SLC7A8: variants seen among roughly 807,000 people sequenced by gnomAD.
The protein encoded by SLC7A8 is large neutral amino acids transporter small subunit 2.
SLC7A8 carries 30 observed loss-of-function variants against 51.2 expected under a neutral mutation model. That is an observed-to-expected ratio of 0.59 (90% CI 0.44 to 0.80). The LOEUF is 0.80. Ranked by LOEUF, SLC7A8 falls within the 30% of genes least tolerant of loss-of-function variation. The probability of loss-of-function intolerance (pLI) is 0.00; values close to 1 mark genes in which losing one functional copy is unlikely to be tolerated. For synonymous variants in SLC7A8, 257 were observed against 275.8 expected (o/e 0.93, Z 0.67); for missense variants, 612 against 674.4 (o/e 0.91, Z 1.03).
chr14:23,165,479 C>T lies in SLC7A8; in HGVS notation c.357-43G>A, dbSNP rs201533058. On this transcript the variant is annotated intron_variant, in intron 2 of 10. Transcript: ENST00000316902. This position sits in a 1 kb window ranked among gnomAD's most constrained non-coding sequence, Gnocchi z 4.2. ...CATCCGCCGAAAGGCATGGCAGGGA[C>T]GCAGAGCCATCAGGGGAGAGCCCGG... is the stretch of plus-strand genomic sequence containing the variant. 1.7e-4 allele frequency: 258 copies of T among 1,554,512 alleles called. 1 individual carries two copies. The African/African-American group carries it at 2.3e-3, about 14-fold the overall frequency.
intron 1 of SLC7A8, 150 bp from the exon 2 acceptor site, chr14:23,166,690 A>C: frequency 1.3e-6 from 1 of 783,324 alleles, no homozygotes; most frequent in South Asian, 1.7e-5. Flanking sequence ...CCTAGCAATA[A>C]TTCTCCCTGA....
chr14:23,139,461 G>T lies in SLC7A8; in HGVS notation c.875C>A (p.Ser292Tyr). ...FANVAYVTAMSPQELLASNAV... is the reference protein window; with the variant it reads ...FANVAYVTAMYPQELLASNAV... ...GTTGGATGCCAGCAGCTCCTGGGGG[G>T]ACATTGCAGTGACATAAGCGACATT... Residue 292 changes from serine to tyrosine, a missense_variant, in exon 6 of 11, where the codon TCC (serine) becomes TAC (tyrosine). Ser to Tyr is a moderately radical substitution (Grantham distance 144). Coordinates refer to ENST00000316902, the MANE Select transcript of SLC7A8 (RefSeq NM_012244.4). 4.3e-6 allele frequency: 7 copies of T among 1,614,148 alleles called. No homozygotes were observed. The highest frequency in any genetic ancestry group is 1.3e-5 in the African/African-American group (1 of 75,038).
intron 4 of SLC7A8, among the ~76,000 whole-genome samples, chr14:23,142,471 A>T (rs1394287771): frequency 6.6e-6 from 1 of 152,176 alleles, no homozygotes; most frequent in African/African-American, 2.4e-5. Context: ...GGGCAAAAAG[A>T]CAATAGGAAT....
intron 6 of SLC7A8, among the ~76,000 whole-genome samples, chr14:23,139,068 T>G (rs2048717371): frequency 6.6e-6 from 1 of 152,248 alleles, no homozygotes; most frequent in Admixed American, 6.5e-5. Flanking sequence ...AGGAGGGGCC[T>G]GTCTGCTTCA....
intron 6 of SLC7A8, 180 bp from the exon 7 acceptor site, chr14:23,138,204 T>C (rs2048709439): frequency 3.1e-6 from 2 of 640,664 alleles, no homozygotes; most frequent in Admixed American, 3.0e-5. Flanking sequence ...GGTTAATGCA[T>C]GTTTTAGGCT....
At chr14:23,130,485 T>C (rs1035179723) in intron 8 of SLC7A8, among the ~76,000 whole-genome samples, 1 of 152,342 alleles carries the variant, frequency 6.6e-6, no homozygotes, top group South Asian at 2.1e-4. Context: ...GGTTCTGTTC[T>C]CTTGTGAGAT....
At chr14:23,127,909 GAGA>G (rs2048592999) in intron 10 of SLC7A8, 107 bp downstream of exon 10, 4 of 922,746 alleles carry the variant, frequency 4.3e-6, no homozygotes, top group Admixed American at 5.0e-5. Flanking sequence ...GTGGACTGAG[GAGA>G]AGGTGAGCCT....
At chr14:23,162,040 C>CA (rs148599755) in intron 3 of SLC7A8, among the ~76,000 whole-genome samples, 75 of 123,702 alleles carry the variant, frequency 6.1e-4, no homozygotes, top group African/African-American at 1.1e-3. Context: ...CCATAAAATT[C>CA]AAAAAAAGAA....
intron 9 of SLC7A8, 135 bp downstream of exon 9, chr14:23,129,515 G>A (rs1199785906): frequency 9.7e-7 from 1 of 1,027,058 alleles, no homozygotes; most frequent in Non-Finnish European, 1.4e-6. Context: ...AATGGCCCTT[G>A]CTTTCCAAAG....
intron 6 of SLC7A8, 89 bp from the exon 7 acceptor site, chr14:23,138,113 C>T (rs1323656962): frequency 3.4e-6 from 5 of 1,471,774 alleles, no homozygotes; most frequent in African/African-American, 1.4e-5. Context: ...ACCGTTTCTC[C>T]TATCTCCACC....
chr14:23,131,680 C>T, intron 7 of SLC7A8, 123 bp from the exon 8 acceptor site: 1 of 623,012 alleles, frequency 1.6e-6, no homozygotes, highest in Non-Finnish European at 2.7e-6. Flanking sequence ...CACCCGCCTT[C>T]ACATGCATAC....
At chr14:23,175,722 C>T (rs2048996175) in intron 1 of SLC7A8, among the ~76,000 whole-genome samples, 1 of 152,184 alleles carries the variant, frequency 6.6e-6, no homozygotes, top group African/African-American at 2.4e-5. Flanking sequence ...TCTCTGGTTC[C>T]TGGAGTCAGG....
chr14:23,131,298 CA>C (rs1224060479), intron 8 of SLC7A8, among the ~76,000 whole-genome samples, 162 bp downstream of exon 8: 4 of 152,180 alleles, frequency 2.6e-5, no homozygotes, highest in African/African-American at 7.2e-5. Flanking sequence ...TTGATATTAA[CA>C]AAGATGATGG....
intron 3 of SLC7A8, among the ~76,000 whole-genome samples, chr14:23,164,003 C>T (rs1362068525): frequency 6.6e-6 from 1 of 151,614 alleles, no homozygotes; most frequent in African/African-American, 2.4e-5. Flanking sequence ...ACTATGTTGC[C>T]CAGGCTGGAG....
intron 3 of SLC7A8, among the ~76,000 whole-genome samples, chr14:23,164,343 T>C (rs892839802): frequency 6.6e-6 from 1 of 152,220 alleles, no homozygotes; most frequent in African/African-American, 2.4e-5. Flanking sequence ...TAGGAGCAGC[T>C]GGGAGTAGCC....
In SLC7A8 at chr14:23,127,161, C is replaced by T; in HGVS notation, c.*16G>A. 1 of 1,613,466 alleles carries T rather than the reference C, an allele frequency of 6.2e-7. No individual in the cohort carries two copies. Among genetic ancestry groups the T allele is most frequent in the East Asian group, 2.2e-5 (1 of 44,860 alleles). ...AAAGGGGGAGGAAGGAGAGAGTAGC[C>T]AGGGAATGGTGGTCCTCAGGGCTGG... On this transcript the variant is annotated 3_prime_UTR_variant, in exon 11 of 11. Transcript: ENST00000316902.
At position 23,166,205 on chromosome 14, in the gene SLC7A8, T is replaced by G. The variant is rs2048949155; in HGVS notation, c.356+131A>C. 5.6e-6 allele frequency: 5 copies of G among 893,530 alleles called. No individual in the cohort carries two copies. In the East Asian group the frequency reaches 9.8e-5, roughly 17 times the overall value. 55.4% of individuals were successfully genotyped at this position (893,530 alleles called of 1,614,324 possible). On this transcript the variant is annotated intron_variant, in intron 2 of 10. Coordinates refer to ENST00000316902, the MANE Select transcript of SLC7A8 (RefSeq NM_012244.4). ...CATGGCAGGAAAGCAGAAGAGACATTCCATTCACTAGCACCCCGTGGCACA... is the reference window on the plus strand; with the variant it reads ...CATGGCAGGAAAGCAGAAGAGACATGCCATTCACTAGCACCCCGTGGCACA...
chr14:23,149,853 T>A (rs1190409025), intron 3 of SLC7A8, among the ~76,000 whole-genome samples: 2 of 152,218 alleles, frequency 1.3e-5, no homozygotes, highest in Non-Finnish European at 2.9e-5. Flanking sequence ...TTAGATATGT[T>A]TAATGCACAA....
intron 1 of SLC7A8, among the ~76,000 whole-genome samples, chr14:23,173,052 T>C (rs541989200): frequency 1.3e-5 from 2 of 152,322 alleles, no homozygotes; most frequent in African/African-American, 4.8e-5. Context: ...AGTTTAGCAG[T>C]GTTAAGTATA....
Sources: allele counts gnomAD v4.1 joint callset (sites outside exome capture counted in the v4.1 genomes callset), GRCh38; gene constraint gnomAD v4.1.1; non-coding constraint Gnocchi (gnomAD v3.1); transcripts MANE v1.5; gene names NCBI Gene and HGNC (gene_info 2026-07-23, HGNC 2026-07-21).